UBA7: variants seen among roughly 807,000 people sequenced by gnomAD.
UBA7 encodes ubiquitin like modifier activating enzyme 7, also known as ubiquitin-like modifier-activating enzyme 7.
A neutral mutation model predicts 113.0 loss-of-function variants in UBA7; 88 were observed. The ratio of observed to expected loss-of-function variants is 0.78; its 90% CI spans 0.66 to 0.93. The LOEUF (loss-of-function observed/expected upper bound fraction) is 0.93. Among genes scored for constraint, UBA7 ranks in the 40% least tolerant of loss-of-function variants. The pLI is 0.00. For synonymous variants in UBA7, 459 were observed against 513.0 expected (o/e 0.89, Z 1.42); for missense variants, 1,092 against 1,266.4 (o/e 0.86, Z 2.09).
In UBA7 at chr3:49,810,428, T is replaced by C. The variant is rs758422381; in HGVS notation, c.1468A>G (p.Arg490Gly). Reference protein sequence around the residue: ...QFLFRSQDVGRPKAEVAAAAA... With the variant: ...QFLFRSQDVGGPKAEVAAAAA... Reference sequence around the variant, plus strand: ...GCTGCAGCCACCTCTGCCTTGGGTCTCTGGGAAGAAGGCAGGAAGATGTTG... The same window carrying C: ...GCTGCAGCCACCTCTGCCTTGGGTCCCTGGGAAGAAGGCAGGAAGATGTTG... The change falls in exon 13 of 24, where the codon AGA becomes GGA. Residue 490 changes from arginine to glycine, a missense_variant and splice_region_variant. By Grantham distance (125) the Arg-to-Gly change is moderately radical. Coordinates refer to ENST00000333486, the MANE Select transcript of UBA7 (RefSeq NM_003335.3). This position sits in a 1 kb window ranked among gnomAD's most constrained non-coding sequence, Gnocchi z 5.6. 1.9e-6 allele frequency: 3 copies of C among 1,614,086 alleles called. No homozygotes were observed. The highest frequency in any genetic ancestry group is 1.1e-5 in the South Asian group (1 of 91,076).
rs777968795 is a variant in UBA7, at chr3:49,813,465, C to T, written c.225+14G>A. On this transcript the variant is annotated intron_variant, in intron 2 of 23. Transcript: ENST00000333486. The stretch of plus-strand genomic sequence containing the variant: ...ACCTTGGTCTGGCAGCCCATAGCCC[C>T]CCAGGACACTTACCTGGGCAGCCAG... 9 of 1,612,362 alleles carry T rather than the reference C, an allele frequency of 5.6e-6. No individual in the cohort carries two copies. The Admixed American group carries it at 1.0e-4, about 18-fold the overall frequency.
Position 49,809,547 on chromosome 3 carries a change from T to C in UBA7, c.2083A>G (p.Asn695Asp), listed in dbSNP as rs375670481. 23 of 1,613,894 alleles carry C rather than the reference T, an allele frequency of 1.4e-5. No individual in the cohort carries two copies. The highest frequency in any genetic ancestry group is 2.2e-5 in the East Asian group (1 of 44,898). ...CCCAACCCCTAGCCACACACTTTAT[T>C]AGGTGGGAAGTGCCTCAGCAGCTGT... ...IKQLLRHFPP[N>D]KVLEDGTPFW... Residue 695 changes from asparagine to aspartate, a missense_variant, in exon 16 of 24, where the codon AAT becomes GAT. Physicochemically the swap from Asn to Asp is conservative, Grantham distance 23 (BLOSUM62 1). Transcript: ENST00000333486.
Position 49,813,940 on chromosome 3 carries a change from T to A in UBA7, c.-153A>T. 1.8e-6 allele frequency: 1 copy of A among 566,446 alleles called. No homozygotes were observed. Among genetic ancestry groups the A allele is most frequent in the South Asian group, 2.2e-5 (1 of 44,504 alleles). The allele number at this position is 566,446 out of a possible 1,614,324, so 35.1% of individuals were successfully genotyped here. On this transcript the variant is annotated 5_prime_UTR_variant, in exon 1 of 24. The change creates a new upstream start codon in the 5' untranslated region. Coordinates refer to ENST00000333486, the MANE Select transcript of UBA7 (RefSeq NM_003335.3). ...AGGGACGCTGCTGGTCACAGCTCTC[T>A]TCCTGGAGAAAAGAAAAGTGAAAGT...
chr3:49,808,239 G>C, intron 19 of UBA7, 127 bp from the exon 20 acceptor site: 1 of 1,512,174 alleles, frequency 6.6e-7, no homozygotes, highest in African/African-American at 1.4e-5. Flanking sequence ...CTCTTGATCA[G>C]ACAGGCTGAG....
In UBA7 at chr3:49,810,989, C is replaced by A. The variant is rs192842960; in HGVS notation, c.1225G>T (p.Ala409Ser). The change falls in exon 10 of 24, where the codon GCC (alanine) becomes TCC (serine). Residue 409 changes from alanine to serine, a missense_variant. Ala to Ser is a moderately conservative substitution (Grantham distance 99). This residue lies in a region of UBA7 where 584 missense variants were observed against 714.5 expected (regional missense o/e 0.82). Coordinates refer to ENST00000333486, the MANE Select transcript of UBA7 (RefSeq NM_003335.3). The surrounding 1 kb of genome is among the most constrained non-coding windows in gnomAD (Gnocchi z 5.6). ...GELLPSPEDC[A>S]LRGSRYDGQI... ...CCCCTATCCCAGGCTCTCACCAGGG[C>A]ACAGTCCTCAGGACTGGGAAGGAGC... 6.2e-7 allele frequency: 1 copy of A among 1,614,122 alleles called. No individual in the cohort carries two copies. The highest frequency in any genetic ancestry group is 8.5e-7 in the Non-Finnish European group (1 of 1,179,998).
Position 49,805,356 on chromosome 3 carries a change from C to G in UBA7, c.2991G>C (p.Glu997Asp). 6.2e-7 allele frequency: 1 copy of G among 1,613,980 alleles called. No individual in the cohort carries two copies. The highest frequency in any genetic ancestry group is 8.5e-7 in the Non-Finnish European group (1 of 1,179,996). ...QRVLVLELSC[E>D]GDDEDTAFPP... ...GGAAGGCAGTGTCCTCGTCGTCACC[C>G]TCACAGCTCAGCTCTAGCACCAACA... The change falls in exon 24 of 24, where the codon GAG becomes GAC. Residue 997 changes from glutamate (E) to aspartate (D), a missense_variant. Physicochemically the swap from Glu to Asp is conservative, Grantham distance 45. This residue lies in a region of UBA7 where 500 missense variants were observed against 529.3 expected (regional missense o/e 0.94). Transcript: ENST00000333486.
Position 49,811,037 on chromosome 3 carries a change from C to T in UBA7, c.1177G>A (p.Asp393Asn), listed in dbSNP as rs201539477. 393 of 1,614,072 alleles carry T rather than the reference C, an allele frequency of 2.4e-4. 1 individual carries two copies. The highest frequency in any genetic ancestry group is 2.1e-3 in the Admixed American group (128 of 60,008). Residue 393 changes from aspartate to asparagine, a missense_variant, in exon 10 of 24, where the codon GAT (aspartate) becomes AAT (asparagine). Physicochemically the swap from Asp to Asn is conservative, Grantham distance 23. Transcript: ENST00000333486. ...AGCTCCCCATCTTCCGGAAGACAAT[C>T]GAGGGCATCAAAGTAAAGCCACTGG... is the stretch of plus-strand genomic sequence containing the variant. ...LDQWLYFDAL[D>N]CLPEDGELLP... is the part of the protein sequence containing the mutation.
chr3:49,811,850 G>A lies in UBA7; in HGVS notation c.939+20C>T. On this transcript the variant is annotated intron_variant, in intron 8 of 23. Transcript: ENST00000333486. ...CAATAAATGACAGAGGCTGGGGGTG[G>A]GAGCAACAGGACTACTCACAGGATC... The A allele has an allele frequency of 6.2e-7, 1 of 1,610,662 alleles. No individual in the cohort carries two copies. Among genetic ancestry groups the A allele is most frequent in the Non-Finnish European group, 8.5e-7 (1 of 1,178,392 alleles).
rs2081588647 is a variant in UBA7, at chr3:49,813,756, T to A, written c.32A>T (p.Asp11Val). The A allele has an allele frequency of 6.2e-7, 1 of 1,614,066 alleles. No individual in the cohort carries two copies. The highest frequency in any genetic ancestry group is 1.1e-5 in the South Asian group (1 of 91,090). Residue 11 changes from aspartate to valine, a missense_variant, in exon 1 of 24, where the codon GAT becomes GTT. Transcript: ENST00000333486. ...CAGCTGTCTTGAATACAGCTCCTCA[T>A]CCAGTAGCTTCGAAGCGTCCAGGGC... The part of the protein sequence containing the change: MDALDASKLL[D>V]EELYSRQLYV...
At position 49,810,749 on chromosome 3, in the gene UBA7, C is replaced by A. The variant is rs776421719; in HGVS notation, c.1311+3G>T. 6.8e-6 allele frequency: 11 copies of A among 1,614,052 alleles called. No homozygotes were observed. The highest frequency in any genetic ancestry group is 8.5e-6 in the Non-Finnish European group (10 of 1,180,030). On this transcript the variant is annotated splice_donor_region_variant and intron_variant, in intron 11 of 23. Transcript: ENST00000333486. The surrounding 1 kb of genome is among the most constrained non-coding windows in gnomAD (Gnocchi z 5.6). The stretch of plus-strand genomic sequence containing the variant: ...GCACCCCCAGTCTCACCCCACAGCT[C>A]ACCAGGAGGTAGTGCTGGCGTCTCA...
chr3:49,811,519 T>A, intron 8 of UBA7, 64 bp from the exon 9 acceptor site: 1 of 1,539,848 alleles, frequency 6.5e-7, no homozygotes, highest in Non-Finnish European at 8.8e-7. Flanking sequence ...CTCAAATCCT[T>A]CCAGCCACCC....
chr3:49,806,801 C>T (rs2081460579), intron 21 of UBA7, among the ~76,000 whole-genome samples: 1 of 151,982 alleles, frequency 6.6e-6, no homozygotes, highest in Non-Finnish European at 1.5e-5. Flanking sequence ...TGGGGTCAAG[C>T]TGAGACTAGG....
chr3:49,809,581 A>G lies in UBA7; in HGVS notation c.2049T>C (p.Tyr683=). 6.2e-7 allele frequency: 1 copy of G among 1,614,110 alleles called. No homozygotes were observed. Residue 683 remains tyrosine (Y), a synonymous_variant, in exon 16 of 24, where the codon TAT becomes TAC. Coordinates refer to ENST00000333486, the MANE Select transcript of UBA7 (RefSeq NM_003335.3). ...AGTGCCTCAGCAGCTGTTTGATGCCATAATGAAAGCAGAGTTTCCAGTGGC... is the reference window on the plus strand; with the variant it reads ...AGTGCCTCAGCAGCTGTTTGATGCCGTAATGAAAGCAGAGTTTCCAGTGGC... The part of the protein sequence containing the change: ...ALGHWKLCFH[Y]GIKQLLRHFP...
rs2081586766 is a variant in UBA7, at chr3:49,813,652, G to A, written c.57-5C>T. The A allele has an allele frequency of 6.2e-7, 1 of 1,614,256 alleles. No homozygotes were observed. Among genetic ancestry groups the A allele is most frequent in the African/African-American group, 1.3e-5 (1 of 75,076 alleles). On this transcript the variant is annotated splice_polypyrimidine_tract_variant and splice_region_variant and intron_variant, in intron 1 of 23. Coordinates refer to ENST00000333486, the MANE Select transcript of UBA7 (RefSeq NM_003335.3). ...GCAGGTGAGCCCAGCACATACCTGT[G>A]GATGGGAAGCAGAAGGCAAGCAGTT...
Position 49,807,846 on chromosome 3 carries a change from A to G in UBA7, c.2605T>C (p.Tyr869His). Reference protein sequence around the residue: ...AVAGLLGLELYKVVSGPRPRS... With the variant: ...AVAGLLGLELHKVVSGPRPRS... ...GGCCGTGGCCCACTCACCACCTTAT[A>G]CAGCTCCAGGCCCAACAGGCCTGCC... is the stretch of plus-strand genomic sequence containing the variant. The change falls in exon 21 of 24, where the codon TAT (tyrosine) becomes CAT (histidine). Residue 869 changes from tyrosine to histidine, a missense_variant. By Grantham distance (83) the Tyr-to-His change is moderately conservative (BLOSUM62 2). This residue lies in a region of UBA7 where 500 missense variants were observed against 529.3 expected (regional missense o/e 0.94). Transcript: ENST00000333486. The surrounding 1 kb of genome is among the most constrained non-coding windows in gnomAD (Gnocchi z 4.0). 1 of 1,614,052 alleles carries G rather than the reference A, an allele frequency of 6.2e-7. No homozygotes were observed. Among genetic ancestry groups the G allele is most frequent in the South Asian group, 1.1e-5 (1 of 91,082 alleles).
intron 21 of UBA7, 28 bp from the exon 22 acceptor site, chr3:49,806,193 G>C: frequency 6.4e-7 from 1 of 1,550,932 alleles, no homozygotes; most frequent in South Asian, 1.2e-5. Context: ...AGGAGTCAGA[G>C]ACTTCTTACC....
In UBA7 at chr3:49,812,497, T is replaced by C. The variant is rs1471187996; in HGVS notation, c.605A>G (p.Tyr202Cys). ...LTLRKGANTH[Y>C]FRDGDLVTFS... ...AGTCACCAAGTCTCCATCACGGAAG[T>C]AGTGGGTATTGGCCCCTTTCCTCAG... is the stretch of plus-strand genomic sequence containing the variant. Residue 202 changes from tyrosine to cysteine, a missense_variant, in exon 6 of 24, where the codon TAC (tyrosine) becomes TGC (cysteine). Coordinates refer to ENST00000333486, the MANE Select transcript of UBA7 (RefSeq NM_003335.3). 1.2e-6 allele frequency: 2 copies of C among 1,614,086 alleles called. No individual in the cohort carries two copies. The highest frequency in any genetic ancestry group is 8.5e-7 in the Non-Finnish European group (1 of 1,180,008).
Position 49,813,630 on chromosome 3 carries a change from G to C in UBA7, c.74C>G (p.Pro25Arg), listed in dbSNP as rs140129550. Residue 25 changes from proline to arginine, a missense_variant, in exon 2 of 24, where the codon CCT becomes CGT. Physicochemically the swap from Pro to Arg is moderately radical, Grantham distance 103. This residue lies in a region of UBA7 where 584 missense variants were observed against 714.5 expected (regional missense o/e 0.82). Transcript: ENST00000333486. ...YSRQLYVLGS[P>R]AMQRIQGARV... ...GGCTCCCTGAATCCTCTGCATGGCA[G>C]GTGAGCCCAGCACATACCTGTGGAT... The C allele has an allele frequency of 6.8e-6, 11 of 1,614,106 alleles. No homozygotes were observed. Among genetic ancestry groups the C allele is most frequent in the Non-Finnish European group, 8.5e-6 (10 of 1,180,052 alleles).
At chr3:49,811,794 T>C in intron 8 of UBA7, 76 bp downstream of exon 8, 1 of 1,585,552 alleles carries the variant, frequency 6.3e-7, no homozygotes, top group South Asian at 1.1e-5. Flanking sequence ...GATTTGTGAA[T>C]GGTCATTGTT....
Sources: allele counts gnomAD v4.1 joint callset (sites outside exome capture counted in the v4.1 genomes callset), GRCh38; gene constraint gnomAD v4.1.1; regional missense constraint gnomAD v4.1.1; non-coding constraint Gnocchi (gnomAD v3.1); transcripts MANE v1.5; gene names NCBI Gene and HGNC (gene_info 2026-07-23, HGNC 2026-07-21).